The following PCSK5 variants were observed in gnomAD, a reference collection of about 807,000 sequenced individuals.
PCSK5 encodes proprotein convertase subtilisin/kexin type 5.
PCSK5 carries 129 observed loss-of-function variants against 233.2 expected under a neutral mutation model. The observed-to-expected ratio is 0.55, with a 90% CI of 0.48 to 0.64. The LOEUF is 0.64. Among genes scored for constraint, PCSK5 ranks in the 30% least tolerant of loss-of-function variants. The pLI is 0.00. For missense variants in PCSK5, 2,076 were observed against 2,430.1 expected (o/e 0.85, Z 3.06); for synonymous variants, 825 against 879.2 (o/e 0.94, Z 1.09).
intron 1 of PCSK5, among the ~76,000 whole-genome samples, chr9:75,914,692 T>C (rs1245007095): frequency 6.6e-6 from 1 of 152,208 alleles, no homozygotes; most frequent in Admixed American, 6.5e-5. Flanking sequence ...CATTAAACTT[T>C]TCTATTTCTC....
chr9:76,085,562 T>C (rs1831031098), intron 7 of PCSK5, among the ~76,000 whole-genome samples: 1 of 152,200 alleles, frequency 6.6e-6, no homozygotes, highest in Non-Finnish European at 1.5e-5. Flanking sequence ...ATAGTCACTA[T>C]AGAGGCTTGT....
chr9:76,039,353 A>G (rs747000436), intron 5 of PCSK5, among the ~76,000 whole-genome samples: 19 of 152,136 alleles, frequency 1.2e-4, no homozygotes, highest in Non-Finnish European at 2.6e-4. Flanking sequence ...GGTTAGGGAG[A>G]TGTCATACTA....
chr9:76,207,887 T>TA (rs1254180799), intron 20 of PCSK5, among the ~76,000 whole-genome samples: 1 of 152,148 alleles, frequency 6.6e-6, no homozygotes, highest in Non-Finnish European at 1.5e-5. Context: ...GGGTAGTTTA[T>TA]AAAAAATAGG....
chr9:76,003,408 T>G (rs1827344378), intron 3 of PCSK5, among the ~76,000 whole-genome samples: 1 of 152,162 alleles, frequency 6.6e-6, no homozygotes, highest in South Asian at 2.1e-4. Context: ...TGTGATTTTT[T>G]TTTCCTTCCA....
At chr9:75,922,319 C>T (rs776189009) in intron 1 of PCSK5, among the ~76,000 whole-genome samples, 1 of 152,158 alleles carries the variant, frequency 6.6e-6, no homozygotes, top group Non-Finnish European at 1.5e-5. Context: ...ATTAGAAGTA[C>T]ATTGCCAAGG....
chr9:76,191,523 C>T (rs367590527), intron 20 of PCSK5, among the ~76,000 whole-genome samples: 4 of 152,172 alleles, frequency 2.6e-5, no homozygotes, highest in Admixed American at 6.5e-5. Context: ...TCAGAAAGAA[C>T]GGGGCACATG....
chr9:76,184,810 G>A, intron 17 of PCSK5, 53 bp downstream of exon 17: 1 of 1,070,976 alleles, frequency 9.3e-7, no homozygotes, highest in Non-Finnish European at 1.4e-6. Flanking sequence ...GCTTCTCAAT[G>A]TAAATAAAAT....
chr9:76,211,673 A>G (rs895214550), intron 20 of PCSK5, among the ~76,000 whole-genome samples: 1 of 152,202 alleles, frequency 6.6e-6, no homozygotes, highest in Non-Finnish European at 1.5e-5. Flanking sequence ...ACATAGGGAA[A>G]TGCTATGTCT....
chr9:76,206,417 C>T (rs530743301), intron 20 of PCSK5, among the ~76,000 whole-genome samples: 4 of 152,208 alleles, frequency 2.6e-5, no homozygotes, highest in African/African-American at 9.6e-5. Flanking sequence ...TGGAAGCATA[C>T]GAAACATCCC....
intron 20 of PCSK5, among the ~76,000 whole-genome samples, chr9:76,215,066 A>G (rs1020767572): frequency 1.3e-5 from 2 of 152,186 alleles, no homozygotes; most frequent in Admixed American, 6.5e-5. Flanking sequence ...TATAACCTAA[A>G]TGACACTAGA....
intron 20 of PCSK5, among the ~76,000 whole-genome samples, chr9:76,219,697 G>C (rs1450923522): frequency 6.6e-6 from 1 of 152,154 alleles, no homozygotes; most frequent in African/African-American, 2.4e-5. Flanking sequence ...CTCAGCAGCG[G>C]CTTCCCCTCT....
At chr9:75,928,639 A>AT (rs1587374369) in intron 1 of PCSK5, among the ~76,000 whole-genome samples, 13 of 132,454 alleles carry the variant, frequency 9.8e-5, no homozygotes, top group South Asian at 2.4e-4. Flanking sequence ...ATATATATAT[A>AT]ATCCTAGAAG....
At chr9:76,262,253 C>T (rs921584475) in intron 24 of PCSK5, among the ~76,000 whole-genome samples, 1 of 152,126 alleles carries the variant, frequency 6.6e-6, no homozygotes, top group Non-Finnish European at 1.5e-5. Flanking sequence ...CAATGACTTT[C>T]TTCACAGAAT....
chr9:76,012,287 C>T lies in PCSK5; in HGVS notation c.412-11451C>T, dbSNP rs117251166. 1.7e-4 allele frequency among the ~76,000 whole-genome samples: 26 copies of T among 152,262 alleles called. No homozygotes were observed. In the East Asian group the frequency reaches 4.1e-3, roughly 24 times the overall value. ...AGATAACTCAACTATGACAAACACA[C>T]ATTAATAACTAAATCGTACACATCA... On this transcript the variant is annotated intron_variant, in intron 3 of 37. Coordinates refer to ENST00000674117, the MANE Select transcript of PCSK5 (RefSeq NM_001372043.1).
rs565189584 is a variant in PCSK5, at chr9:75,910,735, G to A, written c.192+19362G>A. 9.2e-5 allele frequency among the ~76,000 whole-genome samples: 14 copies of A among 152,224 alleles called. No individual in the cohort carries two copies. The Middle Eastern group carries it at 0.01, about 111-fold the overall frequency. ...TTCTGCTTGCCAATAGCACTTGCTT[G>A]TGCCTTCGCTGAGGGCCACATTGTG... On this transcript the variant is annotated intron_variant, in intron 1 of 37. Transcript: ENST00000674117.
chr9:75,998,200 A>G (rs1189558755), intron 3 of PCSK5, among the ~76,000 whole-genome samples: 1 of 152,194 alleles, frequency 6.6e-6, no homozygotes, highest in African/African-American at 2.4e-5. Flanking sequence ...CAGTCACAGT[A>G]AGTCAAGCAT....
At chr9:75,911,033 G>T (rs1035857874) in intron 1 of PCSK5, among the ~76,000 whole-genome samples, 1 of 152,046 alleles carries the variant, frequency 6.6e-6, no homozygotes, top group South Asian at 2.1e-4. Context: ...TTGGTTTGCC[G>T]ATTTGCGATC....
At chr9:76,219,745 C>A in intron 20 of PCSK5, among the ~76,000 whole-genome samples, 1 of 152,216 alleles carries the variant, frequency 6.6e-6, no homozygotes, top group South Asian at 2.1e-4. Flanking sequence ...AGAGAGGCCC[C>A]CTTTCTCCCG....
At chr9:75,952,328 C>T (rs1419678343) in intron 2 of PCSK5, among the ~76,000 whole-genome samples, 2 of 152,194 alleles carry the variant, frequency 1.3e-5, no homozygotes, top group Non-Finnish European at 2.9e-5. Flanking sequence ...AAGATACAGA[C>T]TGTCAACTCA....
Sources: gnomAD v4.1 joint callset for allele counts (sites outside exome capture counted in the v4.1 genomes callset) on GRCh38, gnomAD v4.1.1 for gene constraint, MANE v1.5 for transcripts, NCBI Gene and HGNC (gene_info 2026-07-23, HGNC 2026-07-21) for gene names.